The following NDST4 variants were observed in gnomAD, a reference collection of about 807,000 sequenced individuals.
The protein encoded by NDST4 is N-deacetylase and N-sulfotransferase 4, also known as N-heparan sulfate sulfotransferase 4.
NDST4 carries 63 observed loss-of-function variants against 100.8 expected under a neutral mutation model. The observed-to-expected ratio is 0.62, with a 90% confidence interval of 0.51 to 0.77. The LOEUF is 0.77. Ranked by LOEUF, NDST4 falls within the 30% of genes least tolerant of loss-of-function variation. The pLI, the probability that NDST4 is intolerant of heterozygous loss-of-function variation, is 0.00. For synonymous variants in NDST4, 377 were observed against 361.8 expected, an observed-to-expected ratio of 1.04 and a Z score of -0.48; for missense variants, 943 against 1,018.4, an observed-to-expected ratio of 0.93 and a Z score of 1.01.
chr4:115,101,529 G>C (rs931184211), intron 1 of NDST4, among the ~76,000 whole-genome samples: 1 of 152,082 alleles, frequency 6.6e-6, no homozygotes, highest in Admixed American at 6.6e-5. Flanking sequence ...GAAGAGGGTA[G>C]TAGAAGCTGT....
At chr4:114,903,803 A>C (rs1242660203) in intron 6 of NDST4, among the ~76,000 whole-genome samples, 5 of 152,042 alleles carry the variant, frequency 3.3e-5, no homozygotes, top group African/African-American at 1.2e-4. Context: ...CACTATTTTT[A>C]ATAGTGAATC....
intron 2 of NDST4, among the ~76,000 whole-genome samples, chr4:115,000,033 A>G (rs1727252046): frequency 6.6e-6 from 1 of 151,930 alleles, no homozygotes; most frequent in Non-Finnish European, 1.5e-5. Context: ...GTCACGAACA[A>G]CTGTTATTCT....
At chr4:114,968,161 A>C (rs1176789308) in intron 4 of NDST4, among the ~76,000 whole-genome samples, 2 of 152,196 alleles carry the variant, frequency 1.3e-5, no homozygotes, top group Non-Finnish European at 2.9e-5. Context: ...AGAGACTCAA[A>C]GAGTGATGAG....
intron 6 of NDST4, among the ~76,000 whole-genome samples, chr4:114,924,242 T>C (rs1397773367): frequency 6.6e-6 from 1 of 152,086 alleles, no homozygotes; most frequent in Non-Finnish European, 1.5e-5. Context: ...TTTACTCACA[T>C]TCTCTACATC....
intron 7 of NDST4, among the ~76,000 whole-genome samples, chr4:114,859,254 C>T (rs967594266): frequency 2.6e-5 from 4 of 152,132 alleles, no homozygotes; most frequent in African/African-American, 4.8e-5. Flanking sequence ...ATCTGACCCA[C>T]CCAGTATTTC....
At chr4:115,065,903 G>T (rs1460125167) in intron 2 of NDST4, among the ~76,000 whole-genome samples, 1 of 152,062 alleles carries the variant, frequency 6.6e-6, no homozygotes, top group Non-Finnish European at 1.5e-5. Flanking sequence ...GATATTTTCA[G>T]CCAAGTCTGA....
chr4:114,969,429 G>A (rs974668600), intron 4 of NDST4, among the ~76,000 whole-genome samples: 3 of 151,376 alleles, frequency 2.0e-5, no homozygotes, highest in Admixed American at 6.6e-5. Flanking sequence ...TCACCCAAGC[G>A]ATAAGCATAG....
chr4:115,032,162 G>T (rs1290652520), intron 2 of NDST4, among the ~76,000 whole-genome samples: 1 of 152,020 alleles, frequency 6.6e-6, no homozygotes, highest in East Asian at 1.9e-4. Context: ...ATGTTCTGTA[G>T]AACCACAAGG....
chr4:114,920,887 T>C (rs1335614751), intron 6 of NDST4, among the ~76,000 whole-genome samples: 1 of 152,196 alleles, frequency 6.6e-6, no homozygotes, highest in Non-Finnish European at 1.5e-5. Flanking sequence ...ATTTGATTTG[T>C]GGGGTTGAAT....
chr4:115,071,824 G>T (rs1487971020), intron 2 of NDST4, among the ~76,000 whole-genome samples: 2 of 151,712 alleles, frequency 1.3e-5, no homozygotes, highest in Non-Finnish European at 2.9e-5. Flanking sequence ...AATTATATTT[G>T]TCCAAAAAAT....
chr4:115,040,025 A>G (rs1418695941), intron 2 of NDST4, among the ~76,000 whole-genome samples: 3 of 152,004 alleles, frequency 2.0e-5, no homozygotes, highest in Non-Finnish European at 4.4e-5. Flanking sequence ...ATACACACAC[A>G]TACTTGTTTT....
At chr4:115,085,381 C>T (rs967194210) in intron 1 of NDST4, among the ~76,000 whole-genome samples, 1 of 152,190 alleles carries the variant, frequency 6.6e-6, no homozygotes, top group East Asian at 1.9e-4. Context: ...TGAGTTAAGA[C>T]TTTGGAGGAC....
At chr4:114,852,659 A>G (rs2126188954) in intron 8 of NDST4, 66 bp downstream of exon 8, 9 of 848,762 alleles carry the variant, frequency 1.1e-5, no homozygotes, top group East Asian at 2.7e-5. Context: ...TGATAAATCC[A>G]TATACCAATG....
chr4:114,971,687 T>G (rs887689298), intron 3 of NDST4, among the ~76,000 whole-genome samples: 3 of 152,082 alleles, frequency 2.0e-5, no homozygotes, highest in Non-Finnish European at 4.4e-5. Flanking sequence ...TTTATTTTTA[T>G]TTTTTACTTA....
At chr4:115,081,203 T>C (rs998768139) in intron 1 of NDST4, among the ~76,000 whole-genome samples, 3 of 152,180 alleles carry the variant, frequency 2.0e-5, no homozygotes, top group African/African-American at 7.2e-5. Context: ...AGAAGAATGA[T>C]AGATACATAT....
At chr4:115,108,407 C>A (rs1164854386) in intron 1 of NDST4, among the ~76,000 whole-genome samples, 1 of 151,942 alleles carries the variant, frequency 6.6e-6, no homozygotes, top group African/African-American at 2.4e-5. Flanking sequence ...CAAGCCAAAG[C>A]ATCTAAATGT....
At chr4:114,954,838 T>A (rs1726102860) in intron 4 of NDST4, among the ~76,000 whole-genome samples, 1 of 152,200 alleles carries the variant, frequency 6.6e-6, no homozygotes, top group Non-Finnish European at 1.5e-5. Flanking sequence ...TTCTTGGCAC[T>A]GTCCTTGCAA....
intron 6 of NDST4, among the ~76,000 whole-genome samples, chr4:114,929,788 A>G (rs1319918308): frequency 6.6e-6 from 1 of 152,100 alleles, no homozygotes; most frequent in Non-Finnish European, 1.5e-5. Context: ...TTAAATCTCC[A>G]AATTATGCTC....
intron 2 of NDST4, among the ~76,000 whole-genome samples, chr4:115,071,367 T>C (rs1578499622): frequency 1.3e-5 from 2 of 151,816 alleles, no homozygotes; most frequent in East Asian, 3.9e-4. Context: ...TCTGAATTTG[T>C]TGTTAATGCT....
Sources: gnomAD v4.1 joint callset for allele counts (sites outside exome capture counted in the v4.1 genomes callset) on GRCh38, gnomAD v4.1.1 for gene constraint, MANE v1.5 for transcripts, NCBI Gene and HGNC (gene_info 2026-07-23, HGNC 2026-07-21) for gene names.